Variants in PCDHGB2 observed in about 807,000 individuals in gnomAD.
The protein encoded by PCDHGB2 is protocadherin gamma subfamily B, 2.
Under a neutral mutation model 59.3 loss-of-function variants are expected in PCDHGB2, and 55 were observed. The ratio of observed to expected loss-of-function variants is 0.93; its 90% CI spans 0.75 to 1.16. PCDHGB2 has a LOEUF of 1.16. PCDHGB2 is among the 50% of genes most tolerant of loss of function. The pLI is 0.00. For missense variants in PCDHGB2, 1,228 were observed against 1,198.5 expected, an observed-to-expected ratio of 1.02 and a Z score of -0.36; for synonymous variants, 516 against 512.0, an observed-to-expected ratio of 1.01 and a Z score of -0.11.
intron 1 of PCDHGB2, chr5:141,417,977 G>T (rs752463782): frequency 1.2e-6 from 2 of 1,613,872 alleles, no homozygotes; most frequent in South Asian, 2.2e-5. Context: ...GATTCCGGAG[G>T]AGCTGGCCAA....
At chr5:141,364,767 C>A (rs868142397) in intron 1 of PCDHGB2, 3 of 1,613,760 alleles carry the variant, frequency 1.9e-6, no homozygotes, top group African/African-American at 1.3e-5. Flanking sequence ...AATGAAAATG[C>A]GGCTGCAGGG....
chr5:141,423,185 C>T (rs996177363), intron 1 of PCDHGB2: 7 of 1,613,492 alleles, frequency 4.3e-6, no homozygotes, highest in Non-Finnish European at 5.9e-6. Context: ...CACGGCCAGC[C>T]CCCTCTCTCG....
At chr5:141,419,192 G>C (rs772847766) in intron 1 of PCDHGB2, 2 of 1,613,934 alleles carry the variant, frequency 1.2e-6, no homozygotes, top group Admixed American at 1.7e-5. Context: ...CATTACTGAC[G>C]TCAATGACAA....
Position 141,511,565 on chromosome 5 carries a change from AG to A in PCDHGB2, c.*393del, listed in dbSNP as rs2099883852. 6.8e-6 allele frequency: 2 copies of A among 296,092 alleles called. No homozygotes were observed. Among genetic ancestry groups the A allele is most frequent in the South Asian group, 7.4e-5 (2 of 26,988 alleles). The allele number at this position is 296,092 out of a possible 1,614,324, so 18.3% of individuals were successfully genotyped here. On this transcript the variant is annotated 3_prime_UTR_variant, in exon 4 of 4. Transcript: ENST00000522605. ...CCACTCCAACAGTTCCTCTTTCCCG[AG>A]TAAGGTGGTTGGGGTGTTGAAGTAC...
chr5:141,370,923 C>T, intron 1 of PCDHGB2: 3 of 1,614,000 alleles, frequency 1.9e-6, no homozygotes, highest in Non-Finnish European at 2.5e-6. Flanking sequence ...CCCTGATCCG[C>T]ACTTCTCTTT....
chr5:141,415,071 G>C (rs757356726), intron 1 of PCDHGB2: 5 of 1,613,422 alleles, frequency 3.1e-6, no homozygotes, highest in Non-Finnish European at 1.7e-6. Context: ...AGGTGCGCAC[G>C]GCGCGAGCCC....
chr5:141,366,198 C>G (rs187196267), intron 1 of PCDHGB2: 1 of 1,613,774 alleles, frequency 6.2e-7, no homozygotes, highest in Non-Finnish European at 8.5e-7. Context: ...GGGCTGCACA[C>G]GGGCGAGGTG....
chr5:141,511,695 C>T lies in PCDHGB2; in HGVS notation c.*522C>T, dbSNP rs1009832192. 1 of 195,662 alleles carries T rather than the reference C, an allele frequency of 5.1e-6. No individual in the cohort carries two copies. Among genetic ancestry groups the T allele is most frequent in the Non-Finnish European group, 1.1e-5 (1 of 92,626 alleles). The allele number at this position is 195,662 out of a possible 1,614,324, so 12.1% of individuals were successfully genotyped here. On this transcript the variant is annotated 3_prime_UTR_variant, in exon 4 of 4. Coordinates refer to ENST00000522605, the MANE Select transcript of PCDHGB2 (RefSeq NM_018923.3). ...CTTCCCCCAAAGCATGGTTTGGTGC[C>T]AGCCCCTTCACCTCCTTCCAGAGCC...
At chr5:141,428,437 C>A in intron 1 of PCDHGB2, 1 of 400,386 alleles carries the variant, frequency 2.5e-6, no homozygotes, top group South Asian at 2.4e-5. Flanking sequence ...TAAGACTAGA[C>A]CAGGGGTTTT....
At chr5:141,398,867 A>G (rs375842913) in intron 1 of PCDHGB2, 18 of 1,613,862 alleles carry the variant, frequency 1.1e-5, no homozygotes, top group Non-Finnish European at 1.4e-5. Context: ...CGAGACGTGT[A>G]CAGAGTCAGC....
intron 3 of PCDHGB2, among the ~76,000 whole-genome samples, chr5:141,509,015 C>T (rs1370464396): frequency 6.6e-6 from 1 of 152,098 alleles, no homozygotes; most frequent in East Asian, 1.9e-4. Flanking sequence ...AAGTGGGCAG[C>T]TGCTCCCTCC....
chr5:141,414,801 G>A, intron 1 of PCDHGB2: 2 of 1,614,218 alleles, frequency 1.2e-6, no homozygotes, highest in Non-Finnish European at 1.7e-6. Flanking sequence ...GCGACAGCGG[G>A]GATCCTCCAC....
chr5:141,419,996 C>G, intron 1 of PCDHGB2: 1 of 1,614,084 alleles, frequency 6.2e-7, no homozygotes, highest in Non-Finnish European at 8.5e-7. Context: ...AGCTATTGCT[C>G]TACGCCTGCG....
chr5:141,432,800 C>T lies in PCDHGB2; in HGVS notation c.2422-62007C>T. The T allele has an allele frequency of 6.2e-7, 1 of 1,614,156 alleles. No individual in the cohort carries two copies. The highest frequency in any genetic ancestry group is 8.5e-7 in the Non-Finnish European group (1 of 1,180,008). ...GGCGGACCTCGGCAGCCTCGAGTCT[C>T]CAGCTAACTCTGAAACCTCAGACCT... On this transcript the variant is annotated intron_variant, in intron 1 of 3. Transcript: ENST00000522605. This position sits in a 1 kb window ranked among gnomAD's most constrained non-coding sequence, Gnocchi z 6.0.
intron 1 of PCDHGB2, among the ~76,000 whole-genome samples, chr5:141,425,402 A>C (rs1288785443): frequency 6.6e-6 from 1 of 152,222 alleles, no homozygotes; most frequent in Non-Finnish European, 1.5e-5. Flanking sequence ...AAGTTCTGTT[A>C]AGGTATAACA....
rs774354457 is a variant in PCDHGB2 at position 141,409,462 on chromosome 5, CA to C, written c.2421+46907del. 8.1e-6 allele frequency: 13 copies of C among 1,613,870 alleles called. No individual in the cohort carries two copies. The East Asian group carries it at 2.9e-4, about 36-fold the overall frequency. On this transcript the variant is annotated intron_variant, in intron 1 of 3. Coordinates refer to ENST00000522605, the MANE Select transcript of PCDHGB2 (RefSeq NM_018923.3). ...GAGAGCAGACACCAGAATACAATGT[CA>C]CCATCGTAGCCACTGACAGGGGCAA... is the stretch of plus-strand genomic sequence containing the variant.
At chr5:141,467,987 A>G (rs888811899) in intron 1 of PCDHGB2, among the ~76,000 whole-genome samples, 10 of 152,216 alleles carry the variant, frequency 6.6e-5, no homozygotes, top group Non-Finnish European at 8.8e-5. Flanking sequence ...TCAGAAAACC[A>G]CAATTCTTTC....
rs370286425 is a variant in PCDHGB2, at chr5:141,431,234, G to A, written c.2422-63573G>A. On this transcript the variant is annotated intron_variant, in intron 1 of 3. Coordinates refer to ENST00000522605, the MANE Select transcript of PCDHGB2 (RefSeq NM_018923.3). This position sits in a 1 kb window ranked among gnomAD's most constrained non-coding sequence, Gnocchi z 4.8. ...GCGGTTCCCTCTACCCCACGCCTGGGATCCGGATATCGGGAAGAACTCTCT... is the reference window on the plus strand; with the variant it reads ...GCGGTTCCCTCTACCCCACGCCTGGAATCCGGATATCGGGAAGAACTCTCT... 13 of 1,614,052 alleles carry A rather than the reference G, an allele frequency of 8.1e-6. No individual in the cohort carries two copies. The highest frequency in any genetic ancestry group is 2.7e-5 in the African/African-American group (2 of 74,940).
At chr5:141,399,095 T>G (rs1342683408) in intron 1 of PCDHGB2, 2 of 1,613,850 alleles carry the variant, frequency 1.2e-6, no homozygotes, top group East Asian at 2.2e-5. Context: ...GGTGGTGGAC[T>G]GGTTGCACAA....
Sources: allele counts gnomAD v4.1 joint callset (sites outside exome capture counted in the v4.1 genomes callset), GRCh38; gene constraint gnomAD v4.1.1; non-coding constraint Gnocchi (gnomAD v3.1); transcripts MANE v1.5; gene names NCBI Gene and HGNC (gene_info 2026-07-23, HGNC 2026-07-21).